Variants in BBIP1 observed in about 807,000 individuals in gnomAD.
BBIP1 encodes BBSome interacting protein 1, also known as BBSome-interacting protein 1.
In BBIP1, 6 loss-of-function variants were observed where a neutral mutation model predicts 8.9. The observed-to-expected ratio is 0.67, with a 90% CI of 0.37 to 1.33. The LOEUF is 1.33. BBIP1 is among the 40% of genes most tolerant of loss of function. The pLI, the probability that BBIP1 is intolerant of heterozygous loss-of-function variation, is 0.02. For missense variants in BBIP1, 111 were observed against 109.2 expected (o/e 1.02, Z -0.07); for synonymous variants, 32 against 33.4 (o/e 0.96, Z 0.14).
intron 2 of BBIP1, chr10:110,904,539 A>T (rs1397018406): frequency 6.6e-6 from 1 of 152,264 alleles, no homozygotes; most frequent in African/African-American, 2.4e-5. Flanking sequence ...CAAAAAAGTT[A>T]AAAGTCTGAT....
intron 2 of BBIP1, chr10:110,907,124 T>C (rs74156310): frequency 0.058 from 8,857 of 152,224 alleles, 337 homozygotes; most frequent in African/African-American, 0.11. Flanking sequence ...CTTGTCTCTG[T>C]GTGTAGCTCC....
intron 2 of BBIP1, among the ~76,000 whole-genome samples, chr10:110,906,258 G>C (rs1846133606): frequency 6.6e-6 from 1 of 152,054 alleles, no homozygotes; most frequent in African/African-American, 2.4e-5. Context: ...CGCCCACCTC[G>C]GCCTCCCAAA....
Position 110,900,243 on chromosome 10 carries a change from T to C in BBIP1, c.*117A>G. The C allele has an allele frequency of 2.1e-6, 2 of 974,316 alleles. No homozygotes were observed. Among genetic ancestry groups the C allele is most frequent in the East Asian group, 2.8e-5 (1 of 35,956 alleles). The allele number at this position is 974,316 out of a possible 1,614,324, so 60.4% of individuals were successfully genotyped here. Reference sequence around the variant, plus strand: ...AATCTTGGATATTTTTGTATTTCTATGAATACTATCAATTTTATTGATAAC... The same window carrying C: ...AATCTTGGATATTTTTGTATTTCTACGAATACTATCAATTTTATTGATAAC... On this transcript the variant is annotated 3_prime_UTR_variant, in exon 4 of 4. Coordinates refer to ENST00000448814, the MANE Select transcript of BBIP1 (RefSeq NM_001195305.3).
At position 110,918,202 on chromosome 10, in the gene BBIP1, A is replaced by G. The variant is rs1590762781; in HGVS notation, c.-45T>C. ...ATGACTTAGAGTTCTTGACTCAAGC[A>G]TACAGAAGAAACTACAAGATAATGT... is the stretch of plus-strand genomic sequence containing the variant. On this transcript the variant is annotated 5_prime_UTR_variant, in exon 2 of 4. An upstream start codon of the reference 5' UTR is lost. Coordinates refer to ENST00000448814, the MANE Select transcript of BBIP1 (RefSeq NM_001195305.3). 1 of 1,470,972 alleles carries G rather than the reference A, an allele frequency of 6.8e-7. No homozygotes were observed. The highest frequency in any genetic ancestry group is 2.5e-5 in the East Asian group (1 of 40,598). 91.1% of individuals were successfully genotyped at this position (1,470,972 alleles called of 1,614,324 possible). A position where few individuals can be genotyped will look rare whatever the true frequency, so the allele number is the denominator to read the frequency against.
chr10:110,905,287 G>C (rs1846102112), intron 2 of BBIP1, among the ~76,000 whole-genome samples: 1 of 150,982 alleles, frequency 6.6e-6, no homozygotes, highest in Non-Finnish European at 1.5e-5. Context: ...GTGGGGGCTG[G>C]GCGCGGTGGC....
At chr10:110,901,676 CAT>C in intron 2 of BBIP1, 64 bp from the exon 3 acceptor site, 1 of 1,258,526 alleles carries the variant, frequency 7.9e-7, no homozygotes. Flanking sequence ...GAGACATTTC[CAT>C]TGTAGTTTAA....
chr10:110,902,109 TCTAACAAAAAGAATC>T (rs1846019594), intron 2 of BBIP1: 1 of 157,736 alleles, frequency 6.3e-6, no homozygotes, highest in South Asian at 1.8e-4. Context: ...CTACTTTGTG[TCTAACAAAAAGAATC>T]CTATGGATGA....
At chr10:110,902,937 A>G (rs1302427699) in intron 2 of BBIP1, 2 of 146,438 alleles carry the variant, frequency 1.4e-5, no homozygotes, top group African/African-American at 5.1e-5. Flanking sequence ...TTTTTTTTCC[A>G]GGTTAGGATG....
chr10:110,900,647 C>T (rs1189245880), intron 3 of BBIP1, 121 bp from the exon 4 acceptor site: 8 of 816,444 alleles, frequency 9.8e-6, no homozygotes, highest in Non-Finnish European at 1.5e-5. Context: ...ACTCTTGTAC[C>T]TAAATTGAGT....
chr10:110,900,699 C>T (rs1348256237), intron 3 of BBIP1, 173 bp from the exon 4 acceptor site: 6 of 579,004 alleles, frequency 1.0e-5, no homozygotes, highest in Non-Finnish European at 1.5e-5. Context: ...TCTATAAGCG[C>T]ATTTCTTACT....
At chr10:110,909,474 A>G (rs1222115124) in intron 2 of BBIP1, among the ~76,000 whole-genome samples, 1 of 152,214 alleles carries the variant, frequency 6.6e-6, no homozygotes, top group Admixed American at 6.5e-5. Flanking sequence ...GATTACAGGC[A>G]TGAGCCACCG....
intron 3 of BBIP1, chr10:110,900,853 G>C (rs749872473): frequency 1.9e-4 from 47 of 247,126 alleles, no homozygotes; most frequent in Non-Finnish European, 3.4e-4. Flanking sequence ...AAAAAATATA[G>C]CAAAATATGA....
chr10:110,908,067 C>A, intron 2 of BBIP1: 1 of 279,180 alleles, frequency 3.6e-6, no homozygotes. Context: ...TAGTAAGATG[C>A]TATATCTTAA....
chr10:110,912,799 A>G (rs1241054166), intron 2 of BBIP1, among the ~76,000 whole-genome samples: 2 of 152,122 alleles, frequency 1.3e-5, no homozygotes. Context: ...TTTATCTTCC[A>G]TAATATGTGC....
At position 110,899,301 on chromosome 10, in the gene BBIP1, G is replaced by C. The variant is rs1564688203; in HGVS notation, c.*1059C>G. On this transcript the variant is annotated 3_prime_UTR_variant, in exon 4 of 4. Transcript: ENST00000448814. Reference sequence around the variant, plus strand: ...TTACAGGTTTAGATATAGTCTGTTAGAATTAAAACCAAGTTTAGTGTTCAT... The same window carrying C: ...TTACAGGTTTAGATATAGTCTGTTACAATTAAAACCAAGTTTAGTGTTCAT... The C allele has an allele frequency of 6.6e-6, 1 of 152,120 alleles. No homozygotes were observed. Among genetic ancestry groups the C allele is most frequent in the Non-Finnish European group, 1.5e-5 (1 of 68,024 alleles). The allele number at this position is 152,120 out of a possible 1,614,324, so 9.4% of individuals were successfully genotyped here. A position where few individuals can be genotyped will look rare whatever the true frequency, so the allele number is the denominator to read the frequency against.
chr10:110,912,747 C>A (rs924376509), intron 2 of BBIP1, among the ~76,000 whole-genome samples: 5 of 151,990 alleles, frequency 3.3e-5, no homozygotes, highest in African/African-American at 1.2e-4. Flanking sequence ...AGTATTTGAT[C>A]TTTGCTGGGA....
At position 110,901,632 on chromosome 10, in the gene BBIP1, T is replaced by G. The variant is rs2134018800; in HGVS notation, c.38-20A>C. On this transcript the variant is annotated intron_variant, in intron 2 of 3. Transcript: ENST00000448814. ...TTTTTCCTTCAATGAGAAATCAGTA[T>G]TATTCAAGAATACATTCCCAAAGCA... 7 of 1,504,248 alleles carry G rather than the reference T, an allele frequency of 4.7e-6. No homozygotes were observed. The highest frequency in any genetic ancestry group is 6.3e-6 in the Non-Finnish European group (7 of 1,117,834). The allele number at this position is 1,504,248 out of a possible 1,614,324, so 93.2% of individuals were successfully genotyped here.
At position 110,918,673 on chromosome 10, in the gene BBIP1, G is replaced by A. The variant is rs971817038; in HGVS notation, c.-57+448C>T. Among the ~76,000 whole-genome samples the A allele has an allele frequency of 3.3e-5, 5 of 152,324 alleles. No homozygotes were observed. In the South Asian group the frequency reaches 1.0e-3, roughly 32 times the overall value. On this transcript the variant is annotated intron_variant, in intron 1 of 3. Coordinates refer to ENST00000448814, the MANE Select transcript of BBIP1 (RefSeq NM_001195305.3). ...TGGCTGGGTTAGGGCGGCCTGTAGAGCGGCCTCACCCCACAGGGAGCCTCA... is the reference window on the plus strand; with the variant it reads ...TGGCTGGGTTAGGGCGGCCTGTAGAACGGCCTCACCCCACAGGGAGCCTCA...
intron 2 of BBIP1, among the ~76,000 whole-genome samples, chr10:110,912,904 C>A (rs1846313216): frequency 6.6e-6 from 1 of 152,096 alleles, no homozygotes; most frequent in Non-Finnish European, 1.5e-5. Context: ...ATTGTACAGA[C>A]CCCAGTTTTA....
Sources: allele counts gnomAD v4.1 joint callset (sites outside exome capture counted in the v4.1 genomes callset), GRCh38; gene constraint gnomAD v4.1.1; transcripts MANE v1.5; gene names NCBI Gene and HGNC (gene_info 2026-07-23, HGNC 2026-07-21).